The following CUL1 variants were observed in gnomAD, a reference collection of about 807,000 sequenced individuals.
The protein encoded by CUL1 is cullin-1.
CUL1 carries 24 observed loss-of-function variants against 118.0 expected under a neutral mutation model. That is an observed-to-expected ratio of 0.20 (90% confidence interval 0.15 to 0.29). The LOEUF (loss-of-function observed/expected upper bound fraction) is 0.29. CUL1 is among the 10% of genes least tolerant of loss of function. CUL1 has a pLI of 1.00. For missense variants in CUL1, 361 were observed against 933.8 expected, an observed-to-expected ratio of 0.39 and a Z score of 7.99; for synonymous variants, 332 against 340.4, an observed-to-expected ratio of 0.98 and a Z score of 0.27.
chr7:148,764,308 T>G (rs1316951530), intron 7 of CUL1, among the ~76,000 whole-genome samples: 1 of 152,212 alleles, frequency 6.6e-6, no homozygotes, highest in Non-Finnish European at 1.5e-5. Context: ...CCTATTTGAC[T>G]TGGAATCATT....
At chr7:148,781,145 G>A (rs561575256) in intron 9 of CUL1, among the ~76,000 whole-genome samples, 72 of 134,512 alleles carry the variant, frequency 5.4e-4, no homozygotes, top group South Asian at 3.1e-3. Context: ...GCAGTGGCGC[G>A]ATCTCGGCTC....
At chr7:148,783,644 C>A in intron 9 of CUL1, 139 bp from the exon 10 acceptor site, 17 of 1,544,572 alleles carry the variant, frequency 1.1e-5, no homozygotes, top group Non-Finnish European at 1.5e-5. Context: ...AAAAGTATTT[C>A]TTGCTCTTAT....
At chr7:148,794,839 G>GT (rs1181595856) in intron 17 of CUL1, among the ~76,000 whole-genome samples, 1 of 152,104 alleles carries the variant, frequency 6.6e-6, no homozygotes, top group Admixed American at 6.5e-5. Context: ...TTGGTTTTTA[G>GT]TTTTTTAATT....
At chr7:148,754,307 G>A (rs1220590167) in intron 3 of CUL1, among the ~76,000 whole-genome samples, 157 bp downstream of exon 3, 1 of 152,136 alleles carries the variant, frequency 6.6e-6, no homozygotes, top group Non-Finnish European at 1.5e-5. Flanking sequence ...TTTACCTACT[G>A]TGAATATGAA....
intron 9 of CUL1, among the ~76,000 whole-genome samples, chr7:148,779,253 T>C (rs1478791938): frequency 6.6e-6 from 1 of 152,182 alleles, no homozygotes; most frequent in East Asian, 1.9e-4. Context: ...TAGGAGATTA[T>C]TTGATGAATG....
rs769741799 is a variant in CUL1 at position 148,786,972 on chromosome 7, C to T, written c.1348-17C>T. 1.4e-6 allele frequency: 2 copies of T among 1,479,364 alleles called. No homozygotes were observed. The highest frequency in any genetic ancestry group is 1.9e-4 in the Middle Eastern group (1 of 5,360). 91.6% of individuals were successfully genotyped at this position (1,479,364 alleles called of 1,614,324 possible). On this transcript the variant is annotated splice_polypyrimidine_tract_variant and intron_variant, in intron 12 of 21. Coordinates refer to ENST00000325222, the MANE Select transcript of CUL1 (RefSeq NM_003592.3). ...TGTGTGTGCTGGTTAAGTGTGTTGTCTCGGTGGCTTTGCCAGATGGTTGTC... is the reference window on the plus strand; with the variant it reads ...TGTGTGTGCTGGTTAAGTGTGTTGTTTCGGTGGCTTTGCCAGATGGTTGTC...
intron 9 of CUL1, among the ~76,000 whole-genome samples, chr7:148,776,711 C>T (rs536940336): frequency 2.0e-5 from 3 of 152,208 alleles, no homozygotes; most frequent in Non-Finnish European, 2.9e-5. Context: ...TATGGATGCA[C>T]GTCCCTACCC....
At chr7:148,752,677 C>G (rs1799528153) in intron 2 of CUL1, among the ~76,000 whole-genome samples, 1 of 152,128 alleles carries the variant, frequency 6.6e-6, no homozygotes, top group African/African-American at 2.4e-5. Flanking sequence ...GAGACAGAGT[C>G]TTGCTCTGTC....
At chr7:148,721,231 C>T (rs1388413155) in intron 1 of CUL1, among the ~76,000 whole-genome samples, 1 of 152,118 alleles carries the variant, frequency 6.6e-6, no homozygotes, top group Non-Finnish European at 1.5e-5. Context: ...CAGTGAACAC[C>T]CGCCAACCCA....
chr7:148,727,914 C>G (rs1798638958), intron 1 of CUL1, among the ~76,000 whole-genome samples: 1 of 152,082 alleles, frequency 6.6e-6, no homozygotes, highest in Admixed American at 6.5e-5. Flanking sequence ...CCCTGTTGCT[C>G]TTAGGGTGAC....
In CUL1 at chr7:148,745,679, A is replaced by G. The variant is rs545702033; in HGVS notation, c.141-8297A>G. On this transcript the variant is annotated intron_variant, in intron 2 of 21. Coordinates refer to ENST00000325222, the MANE Select transcript of CUL1 (RefSeq NM_003592.3). Reference sequence around the variant, plus strand: ...GAGATGTGTTCTCTATTCGCAGGAAATCAATAATTTACGCAAACGTTGATT... The same window carrying G: ...GAGATGTGTTCTCTATTCGCAGGAAGTCAATAATTTACGCAAACGTTGATT... 2.6e-5 allele frequency among the ~76,000 whole-genome samples: 4 copies of G among 152,304 alleles called. No homozygotes were observed. The South Asian group carries it at 6.2e-4, about 24-fold the overall frequency.
rs1325933727 is a variant in CUL1 at position 148,787,463 on chromosome 7, G to GA, written c.1479+350dup. Among the ~76,000 whole-genome samples, 6 of 151,946 alleles carry GA rather than the reference G, an allele frequency of 3.9e-5. No individual in the cohort carries two copies. In the South Asian group the frequency reaches 6.2e-4, roughly 16 times the overall value. ...GGCAACAGAGTGAGACTCTGTCTCAGAAAAAAATAAAAAAGCTCTTAGTCT... is the reference window on the plus strand; with the variant it reads ...GGCAACAGAGTGAGACTCTGTCTCAGAAAAAAAATAAAAAAGCTCTTAGTCT... On this transcript the variant is annotated intron_variant, in intron 13 of 21. Coordinates refer to ENST00000325222, the MANE Select transcript of CUL1 (RefSeq NM_003592.3). This position sits in a 1 kb window ranked among gnomAD's most constrained non-coding sequence, Gnocchi z 5.5.
intron 17 of CUL1, 93 bp from the exon 18 acceptor site, chr7:148,797,719 T>TTA: frequency 1.2e-6 from 1 of 832,618 alleles, no homozygotes; most frequent in Admixed American, 3.1e-5. Context: ...TTTTTTTTTT[T>TTA]AATGGAAAAT....
At chr7:148,740,219 A>T (rs1799099156) in intron 2 of CUL1, among the ~76,000 whole-genome samples, 1 of 151,784 alleles carries the variant, frequency 6.6e-6, no homozygotes, top group Non-Finnish European at 1.5e-5. Context: ...CGCCTAGCTA[A>T]TTTTTTTGTA....
rs562549524 is a variant in CUL1, at chr7:148,722,554, G to A, written c.-161-7408G>A. Among the ~76,000 whole-genome samples the A allele has an allele frequency of 3.3e-5, 5 of 152,260 alleles. 1 individual carries two copies. The South Asian group carries it at 6.2e-4, about 19-fold the overall frequency. On this transcript the variant is annotated intron_variant, in intron 1 of 21. Coordinates refer to ENST00000325222, the MANE Select transcript of CUL1 (RefSeq NM_003592.3). Reference sequence around the variant, plus strand: ...GCAGGGGTCCACCTCCTCCTCATGCGGGTTGACAGCCGTAGACCCAGAGAA... The same window carrying A: ...GCAGGGGTCCACCTCCTCCTCATGCAGGTTGACAGCCGTAGACCCAGAGAA...
In CUL1 at chr7:148,798,690, T is replaced by G. The variant is rs1030814372; in HGVS notation, c.2136+13T>G. On this transcript the variant is annotated intron_variant, in intron 20 of 21. Coordinates refer to ENST00000325222, the MANE Select transcript of CUL1 (RefSeq NM_003592.3). ...ACTACTGATTCAGGTGACTTATCTG[T>G]ATGCCTGTGCCAGGTGTGCTGTCCC... 1 of 1,605,346 alleles carries G rather than the reference T, an allele frequency of 6.2e-7. No individual in the cohort carries two copies. Among genetic ancestry groups the G allele is most frequent in the African/African-American group, 1.3e-5 (1 of 74,806 alleles).
intron 21 of CUL1, among the ~76,000 whole-genome samples, chr7:148,799,711 C>T (rs1246689866): frequency 1.4e-5 from 2 of 147,092 alleles, no homozygotes; most frequent in Admixed American, 1.3e-4. Flanking sequence ...ACTGTCGTGT[C>T]TTCTGACACC....
Position 148,783,288 on chromosome 7 carries a change from G to GCCACGCGGATC in CUL1, c.1084-493_1084-483dup, listed in dbSNP as rs372055335. The GCCACGCGGATC allele has an allele frequency of 1.6e-4, 159 of 979,458 alleles. No individual in the cohort carries two copies. The African/African-American group carries it at 2.6e-3, about 16-fold the overall frequency. 60.7% of individuals were successfully genotyped at this position (979,458 alleles called of 1,614,324 possible). On this transcript the variant is annotated intron_variant, in intron 9 of 21. Coordinates refer to ENST00000325222, the MANE Select transcript of CUL1 (RefSeq NM_003592.3). ...CGATGAGGCCCTGGCCCCCGGCATC[G>GCCACGCGGATC]CCACGCGGATCCGCGCCTCTGGTTT...
chr7:148,788,964 C>G (rs971066313), intron 14 of CUL1, among the ~76,000 whole-genome samples: 1 of 152,030 alleles, frequency 6.6e-6, no homozygotes, highest in Non-Finnish European at 1.5e-5. Context: ...TAGCTTGGAT[C>G]CATTCTAGCA....
Sources: allele counts gnomAD v4.1 joint callset (sites outside exome capture counted in the v4.1 genomes callset), GRCh38; gene constraint gnomAD v4.1.1; non-coding constraint Gnocchi (gnomAD v3.1); transcripts MANE v1.5; gene names NCBI Gene and HGNC (gene_info 2026-07-23, HGNC 2026-07-21).